KIF5C: variants seen among roughly 807,000 people sequenced by gnomAD.
KIF5C encodes kinesin heavy chain isoform 5C.
A neutral mutation model predicts 125.2 loss-of-function variants in KIF5C; 18 were observed. The observed-to-expected ratio is 0.14, with a 90% CI of 0.10 to 0.21. The LOEUF is 0.21. KIF5C is among the 10% of genes least tolerant of loss of function. The pLI, the probability that KIF5C is intolerant of heterozygous loss-of-function variation, is 1.00. For missense variants in KIF5C, 780 were observed against 1,183.8 expected (o/e 0.66, Z 5.01); for synonymous variants, 405 against 434.0 (o/e 0.93, Z 0.83).
intron 11 of KIF5C, among the ~76,000 whole-genome samples, chr2:148,967,307 C>A (rs1680757552): frequency 6.6e-6 from 1 of 152,210 alleles, no homozygotes; most frequent in African/African-American, 2.4e-5. Context: ...GAATGATTCG[C>A]AGACTCCAAA....
At chr2:149,013,292 T>G (rs1682265562) in intron 25 of KIF5C, among the ~76,000 whole-genome samples, 3 of 152,182 alleles carry the variant, frequency 2.0e-5, no homozygotes, top group Admixed American at 1.3e-4. Flanking sequence ...ACCAAATGAC[T>G]TCAGTTTCAG....
At chr2:148,892,031 G>A (rs1681722029) in intron 1 of KIF5C, among the ~76,000 whole-genome samples, 1 of 152,130 alleles carries the variant, frequency 6.6e-6, no homozygotes, top group Admixed American at 6.5e-5. Flanking sequence ...TGAGGTAACT[G>A]CTCTTGTCAT....
At chr2:149,006,304 T>A (rs925236866) in intron 22 of KIF5C, among the ~76,000 whole-genome samples, 1 of 151,688 alleles carries the variant, frequency 6.6e-6, no homozygotes, top group Non-Finnish European at 1.5e-5. Flanking sequence ...AGGGAGAGGG[T>A]TAATAGTGTA....
At position 148,923,967 on chromosome 2, in the gene KIF5C, A is replaced by C. The variant is rs191131669; in HGVS notation, c.217+1740A>C. 1.0e-3 allele frequency among the ~76,000 whole-genome samples: 157 copies of C among 152,346 alleles called. 1 individual carries two copies. Among genetic ancestry groups the C allele is most frequent in the Non-Finnish European group, 1.3e-4 (9 of 68,036 alleles). ...GAGACCCAATATGTAGTGAGCTATA[A>C]AGAAAACCATCTAGCAGAATAAAAT... On this transcript the variant is annotated intron_variant, in intron 2 of 25. Transcript: ENST00000435030.
At chr2:148,893,169 T>TTGAC (rs1266986045) in intron 1 of KIF5C, among the ~76,000 whole-genome samples, 1 of 152,252 alleles carries the variant, frequency 6.6e-6, no homozygotes, top group Non-Finnish European at 1.5e-5. Flanking sequence ...CCTGAAGACC[T>TTGAC]TGACTGGCTC....
intron 1 of KIF5C, among the ~76,000 whole-genome samples, chr2:148,917,920 T>A (rs1223682361): frequency 2.0e-5 from 3 of 152,234 alleles, no homozygotes; most frequent in Non-Finnish European, 4.4e-5. Context: ...TAATTTCACT[T>A]TCCTTAACAT....
chr2:149,006,670 TAAAG>T (rs1489427017), intron 22 of KIF5C, among the ~76,000 whole-genome samples: 1 of 151,976 alleles, frequency 6.6e-6, no homozygotes, highest in East Asian at 1.9e-4. Flanking sequence ...GAAATGAAAA[TAAAG>T]AAGGCAGAAA....
At chr2:148,928,758 G>A (rs1682097506) in intron 2 of KIF5C, among the ~76,000 whole-genome samples, 2 of 152,154 alleles carry the variant, frequency 1.3e-5, no homozygotes, top group Non-Finnish European at 2.9e-5. Context: ...TGTTTATAGA[G>A]TGGGGCCCTT....
In KIF5C at chr2:148,876,553, G is replaced by C. The variant is rs959766350; in HGVS notation, c.126+810G>C. On this transcript the variant is annotated intron_variant, in intron 1 of 25. Transcript: ENST00000435030. The surrounding 1 kb of genome is among the most constrained non-coding windows in gnomAD (Gnocchi z 4.7). ...GCAGTAGCCCCCTGTGCCAAGAGCA[G>C]AAGTTACTTCGTGCGGCTCGGACCC... Among the ~76,000 whole-genome samples the C allele has an allele frequency of 3.3e-5, 5 of 152,186 alleles. No individual in the cohort carries two copies. The highest frequency in any genetic ancestry group is 5.9e-5 in the Non-Finnish European group (4 of 68,030).
Position 148,876,834 on chromosome 2 carries a change from C to T in KIF5C, c.126+1091C>T, listed in dbSNP as rs956748876. The stretch of plus-strand genomic sequence containing the variant: ...AGGGACCGAGTTAATGGGAGCCTCC[C>T]GGTCCCCGCTGACACGTTCCTGGCA... On this transcript the variant is annotated intron_variant, in intron 1 of 25. Transcript: ENST00000435030. This position sits in a 1 kb window ranked among gnomAD's most constrained non-coding sequence, Gnocchi z 4.7. Among the ~76,000 whole-genome samples the T allele has an allele frequency of 5.9e-5, 9 of 152,194 alleles. No individual in the cohort carries two copies. Among genetic ancestry groups the T allele is most frequent in the Non-Finnish European group, 1.3e-4 (9 of 68,032 alleles).
At chr2:148,937,483 A>C (rs973949974) in intron 4 of KIF5C, 95 bp downstream of exon 4, 4 of 1,444,896 alleles carry the variant, frequency 2.8e-6, no homozygotes, top group Non-Finnish European at 3.7e-6. Flanking sequence ...AGATGATCCT[A>C]CTAATTTAAA....
chr2:148,957,238 G>A (rs1404583756), intron 10 of KIF5C, among the ~76,000 whole-genome samples: 3 of 152,162 alleles, frequency 2.0e-5, no homozygotes, highest in Admixed American at 6.5e-5. Context: ...GCAGCCTCAC[G>A]CCCTAGATCC....
intron 24 of KIF5C, among the ~76,000 whole-genome samples, chr2:149,011,354 T>G (rs1171483501): frequency 4.6e-5 from 7 of 152,232 alleles, no homozygotes; most frequent in Admixed American, 4.6e-4. Flanking sequence ...TAATTGATGT[T>G]TAAGTTCTTT....
rs1682684366 is a variant in KIF5C at position 149,026,294 on chromosome 2, A to G, written c.*3224A>G. 6.6e-6 allele frequency: 1 copy of G among 152,224 alleles called. No homozygotes were observed. Among genetic ancestry groups the G allele is most frequent in the African/African-American group, 2.4e-5 (1 of 41,458 alleles). The allele number at this position is 152,224 out of a possible 1,614,324, so 9.4% of individuals were successfully genotyped here. A position where few individuals can be genotyped will look rare whatever the true frequency, so the allele number is the denominator to read the frequency against. ...CTAACAATTTAGACTTTTTAAACCA[A>G]GCATTGAATAATGGCTGGATAACTG... is the stretch of plus-strand genomic sequence containing the variant. On this transcript the variant is annotated 3_prime_UTR_variant, in exon 26 of 26. Transcript: ENST00000435030.
intron 16 of KIF5C, among the ~76,000 whole-genome samples, chr2:148,993,795 T>C (rs759226257): frequency 1.2e-4 from 19 of 152,196 alleles, no homozygotes; most frequent in Non-Finnish European, 2.6e-4. Flanking sequence ...TATTAAGCAC[T>C]TACCCTCATG....
intron 12 of KIF5C, 64 bp from the exon 13 acceptor site, chr2:148,978,858 G>T: frequency 1.3e-6 from 2 of 1,520,260 alleles, no homozygotes; most frequent in South Asian, 2.7e-5. Context: ...GCCTGTCACT[G>T]GGAGACTGGG....
chr2:148,955,554 A>C (rs1013274874), intron 10 of KIF5C, among the ~76,000 whole-genome samples: 1 of 152,192 alleles, frequency 6.6e-6, no homozygotes, highest in Non-Finnish European at 1.5e-5. Context: ...CATGTGAGTC[A>C]GTTTCTTAAG....
chr2:148,907,294 G>A (rs569208165), intron 1 of KIF5C, among the ~76,000 whole-genome samples: 30 of 152,206 alleles, frequency 2.0e-4, no homozygotes, highest in Non-Finnish European at 4.3e-4. Context: ...CACAAGGACC[G>A]CCTCCTTGAG....
intron 3 of KIF5C, among the ~76,000 whole-genome samples, chr2:148,931,481 C>T (rs1049892816): frequency 6.6e-6 from 1 of 151,464 alleles, no homozygotes; most frequent in Admixed American, 6.6e-5. Context: ...GCTAACATGG[C>T]GAAACCCCAT....
Sources: gnomAD v4.1 joint callset for allele counts (sites outside exome capture counted in the v4.1 genomes callset) on GRCh38, gnomAD v4.1.1 for gene constraint, Gnocchi (gnomAD v3.1) non-coding constraint, MANE v1.5 for transcripts, NCBI Gene and HGNC (gene_info 2026-07-23, HGNC 2026-07-21) for gene names.